AKAP19: variants seen among roughly 807,000 people sequenced by gnomAD.
The protein encoded by AKAP19 is A-kinase anchoring protein 19.
the AKAP19 span, among the ~76,000 whole-genome samples, chr2:190,036,554 C>G: frequency 1.7e-3 from 253 of 151,868 alleles, no homozygotes; most frequent in African/African-American, 5.9e-3. Flanking sequence ...TATCCTTTAC[C>G]CTGGTGAAAT....
the AKAP19 span, among the ~76,000 whole-genome samples, chr2:190,114,284 C>T: frequency 1.3e-5 from 2 of 152,164 alleles, no homozygotes; most frequent in Non-Finnish European, 2.9e-5. Flanking sequence ...TAATTCTTTA[C>T]TCATTCATAC....
At chr2:190,140,473 G>T in the AKAP19 span, among the ~76,000 whole-genome samples, 1 of 152,322 alleles carries the variant, frequency 6.6e-6, no homozygotes, top group African/African-American at 2.4e-5. Flanking sequence ...GGCATCTTCT[G>T]AAATCTAGGC....
chr2:189,896,299 A>G, the AKAP19 span, among the ~76,000 whole-genome samples: 1 of 152,180 alleles, frequency 6.6e-6, no homozygotes, highest in Non-Finnish European at 1.5e-5. Context: ...TGTTGAGTTT[A>G]TGCTATACAT....
At chr2:190,073,370 A>G in the AKAP19 span, among the ~76,000 whole-genome samples, 1 of 152,148 alleles carries the variant, frequency 6.6e-6, no homozygotes, top group African/African-American at 2.4e-5. Flanking sequence ...AGATATAAGC[A>G]TTTTTTACAA....
chr2:190,039,253 A>G, the AKAP19 span, among the ~76,000 whole-genome samples: 1 of 151,746 alleles, frequency 6.6e-6, no homozygotes, highest in Non-Finnish European at 1.5e-5. Flanking sequence ...TCATTTTTGT[A>G]TTTTTAGTAG....
At chr2:189,947,301 T>C in the AKAP19 span, among the ~76,000 whole-genome samples, 1 of 152,158 alleles carries the variant, frequency 6.6e-6, no homozygotes, top group Non-Finnish European at 1.5e-5. Context: ...AACCCACCCA[T>C]TTCTTTGGCT....
chr2:189,982,385 C>CTTTCAGGA, the AKAP19 span, among the ~76,000 whole-genome samples: 2 of 151,996 alleles, frequency 1.3e-5, no homozygotes, highest in African/African-American at 4.8e-5. Flanking sequence ...ATTCTCTTGT[C>CTTTCAGGA]TTTCATATCC....
At chr2:189,882,947 A>G in the AKAP19 span, among the ~76,000 whole-genome samples, 1 of 151,908 alleles carries the variant, frequency 6.6e-6, no homozygotes, top group African/African-American at 2.4e-5. Flanking sequence ...TCAGACTAGC[A>G]ACACACTATT....
At chr2:190,027,006 C>A in the AKAP19 span, among the ~76,000 whole-genome samples, 1 of 151,978 alleles carries the variant, frequency 6.6e-6, no homozygotes, top group African/African-American at 2.4e-5. Flanking sequence ...CTAACAAATC[C>A]ATACTTCAAT....
At chr2:189,988,959 T>C in the AKAP19 span, among the ~76,000 whole-genome samples, 1 of 152,194 alleles carries the variant, frequency 6.6e-6, no homozygotes, top group Non-Finnish European at 1.5e-5. Context: ...GTTTTGACCA[T>C]GGAGATGAGG....
At chr2:190,059,055 TGTATA>T in the AKAP19 span, among the ~76,000 whole-genome samples, 1 of 151,642 alleles carries the variant, frequency 6.6e-6, no homozygotes, top group Non-Finnish European at 1.5e-5. Flanking sequence ...GAAAAAATAT[TGTATA>T]GTATTTTAAA....
chr2:190,014,369 G>A, the AKAP19 span, among the ~76,000 whole-genome samples: 1 of 152,234 alleles, frequency 6.6e-6, no homozygotes, highest in East Asian at 1.9e-4. Context: ...GTGAGTGTGT[G>A]AAGGAGGAAC....
chr2:190,099,778 T>C, the AKAP19 span, among the ~76,000 whole-genome samples: 1 of 152,140 alleles, frequency 6.6e-6, no homozygotes, highest in Non-Finnish European at 1.5e-5. Context: ...AGTAAATACA[T>C]TTTTTGAAAC....
chr2:190,017,655 T>A, the AKAP19 span, among the ~76,000 whole-genome samples: 1 of 152,330 alleles, frequency 6.6e-6, no homozygotes, highest in East Asian at 1.9e-4. Flanking sequence ...AGATTTGTCG[T>A]TTAACCATCA....
the AKAP19 span, among the ~76,000 whole-genome samples, chr2:190,036,148 G>C: frequency 6.6e-6 from 1 of 152,166 alleles, no homozygotes; most frequent in Non-Finnish European, 1.5e-5. Context: ...AGTACTTGGT[G>C]ATTTTTATTA....
At chr2:190,013,488 T>A in the AKAP19 span, among the ~76,000 whole-genome samples, 4 of 151,928 alleles carry the variant, frequency 2.6e-5, no homozygotes, top group Non-Finnish European at 4.4e-5. Context: ...ATTTGAGTCG[T>A]CTCTCTTTGT....
At chr2:190,059,933 C>T in the AKAP19 span, 7 of 873,540 alleles carry the variant, frequency 8.0e-6, no homozygotes, top group Non-Finnish European at 1.2e-5. Flanking sequence ...TACAGGGCTA[C>T]CGTTGGGGTA....
chr2:190,031,057 G>A, the AKAP19 span, among the ~76,000 whole-genome samples: 28,231 of 152,126 alleles, frequency 0.19, 2,709 homozygotes, highest in Middle Eastern at 0.26. Flanking sequence ...GAAATAGAAG[G>A]CTGTCATCAT....
At chr2:190,008,226 G>A in the AKAP19 span, among the ~76,000 whole-genome samples, 1 of 152,136 alleles carries the variant, frequency 6.6e-6, no homozygotes, top group Admixed American at 6.5e-5. Context: ...AGATTAGGTG[G>A]TATTAAGCAA....
Sources: gnomAD v4.1 joint callset for allele counts (sites outside exome capture counted in the v4.1 genomes callset) on GRCh38, gnomAD v4.1.1 for gene constraint, MANE v1.5 for transcripts, NCBI Gene and HGNC (gene_info 2026-07-23, HGNC 2026-07-21) for gene names.